ASAP1: variants seen among roughly 807,000 people sequenced by gnomAD.
The protein encoded by ASAP1 is arf-GAP with SH3 domain, ANK repeat and PH domain-containing protein 1.
ASAP1 carries 43 observed loss-of-function variants against 145.2 expected under a neutral mutation model. The observed-to-expected ratio is 0.30, with a 90% CI of 0.23 to 0.38. ASAP1 has a LOEUF of 0.38. Ranked by LOEUF, ASAP1 falls within the 10% of genes least tolerant of loss-of-function variation. The pLI is 1.00. For synonymous variants in ASAP1, 546 were observed against 515.5 expected (o/e 1.06, Z -0.80); for missense variants, 1,018 against 1,355.3 (o/e 0.75, Z 3.91).
Position 130,265,080 on chromosome 8 carries a change from T to A in ASAP1, c.187-28086A>T, listed in dbSNP as rs1417009. Among the ~76,000 whole-genome samples the A allele has an allele frequency of 1.1e-3, 173 of 152,270 alleles. 2 individuals carry two copies. In the South Asian group the frequency reaches 0.036, roughly 31 times the overall value. On this transcript the variant is annotated intron_variant, in intron 3 of 29. Transcript: ENST00000518721. ...AACTGAGCCAAGGATGTGGCCCTTT[T>A]CTCATGGCAACAAAGGGCTGCTGGC...
intron 24 of ASAP1, among the ~76,000 whole-genome samples, chr8:130,107,410 C>T (rs1170810542): frequency 6.6e-6 from 1 of 151,654 alleles, no homozygotes. Context: ...TGGTCTCGAT[C>T]TCCTGACCTC....
At position 130,124,043 on chromosome 8, in the gene ASAP1, G is replaced by T. The variant is rs778660196; in HGVS notation, c.1577C>A (p.Pro526His). The change falls in exon 18 of 30, where the codon CCC (proline) becomes CAC (histidine). Residue 526 changes from proline to histidine, a missense_variant. Physicochemically the swap from Pro to His is moderately conservative, Grantham distance 77. This residue lies in a region of ASAP1 where 153 missense variants were observed against 221.6 expected (regional missense o/e 0.69). Transcript: ENST00000518721. ...NDIMEANLPSPSPKPTPSSDM... is the reference protein window; with the variant it reads ...NDIMEANLPSHSPKPTPSSDM... ...ACTTGAAGGGGTGGGTTTTGGTGAG[G>T]GGCTGGGTAAATTTGCTTCCATAAT... 1 of 1,609,240 alleles carries T rather than the reference G, an allele frequency of 6.2e-7. No homozygotes were observed. The highest frequency in any genetic ancestry group is 8.5e-7 in the Non-Finnish European group (1 of 1,178,692).
At chr8:130,337,846 C>G (rs1363548623) in intron 3 of ASAP1, among the ~76,000 whole-genome samples, 1 of 152,208 alleles carries the variant, frequency 6.6e-6, no homozygotes, top group African/African-American at 2.4e-5. Flanking sequence ...CTCCCTTGAT[C>G]CTAAAATCGA....
intron 5 of ASAP1, among the ~76,000 whole-genome samples, chr8:130,197,056 T>G (rs1316422571): frequency 6.6e-6 from 1 of 152,218 alleles, no homozygotes; most frequent in Admixed American, 6.5e-5. Flanking sequence ...CTGCGTGAAC[T>G]GGGAAAACCG....
Position 130,279,862 on chromosome 8 carries a change from A to G in ASAP1, c.187-42868T>C, listed in dbSNP as rs139786299. The stretch of plus-strand genomic sequence containing the variant: ...TAACTAAAGCGACCCTGAGCTATTT[A>G]CAACCTTTTGCCTCTCTTGAACCAA... On this transcript the variant is annotated intron_variant, in intron 3 of 29. Coordinates refer to ENST00000518721, the MANE Select transcript of ASAP1 (RefSeq NM_018482.4). 3.6e-3 allele frequency among the ~76,000 whole-genome samples: 546 copies of G among 152,346 alleles called. 1 individual carries two copies. Among genetic ancestry groups the G allele is most frequent in the African/African-American group, 0.013 (526 of 41,564 alleles).
chr8:130,436,040 A>G (rs912235518), intron 1 of ASAP1, among the ~76,000 whole-genome samples: 4 of 152,216 alleles, frequency 2.6e-5, no homozygotes, highest in African/African-American at 9.6e-5. Flanking sequence ...CAGAAGACAC[A>G]ACAAATGGGA....
chr8:130,116,311 A>T (rs1220359595), intron 22 of ASAP1, among the ~76,000 whole-genome samples: 5 of 152,286 alleles, frequency 3.3e-5, no homozygotes, highest in Admixed American at 2.6e-4. Flanking sequence ...CATTTTGAAG[A>T]CCACTACTCT....
chr8:130,217,205 G>T (rs577687504), intron 4 of ASAP1, among the ~76,000 whole-genome samples: 2 of 152,088 alleles, frequency 1.3e-5, no homozygotes, highest in African/African-American at 4.8e-5. Flanking sequence ...CTGTTGTGGC[G>T]CACAGAGAAG....
intron 27 of ASAP1, among the ~76,000 whole-genome samples, chr8:130,070,127 C>A (rs2135174602): frequency 6.6e-6 from 1 of 152,204 alleles, no homozygotes; most frequent in Non-Finnish European, 1.5e-5. Flanking sequence ...AGCTCCGCCT[C>A]CCGGGTTCAC....
At chr8:130,398,940 A>G (rs1012261047) in intron 2 of ASAP1, among the ~76,000 whole-genome samples, 2 of 152,222 alleles carry the variant, frequency 1.3e-5, no homozygotes, top group African/African-American at 4.8e-5. Flanking sequence ...CTTCTATAAC[A>G]ATAACTCTCA....
intron 1 of ASAP1, among the ~76,000 whole-genome samples, chr8:130,423,187 T>C (rs185267115): frequency 6.6e-6 from 1 of 152,302 alleles, no homozygotes; most frequent in East Asian, 1.9e-4. Flanking sequence ...CACTGCAACC[T>C]CCAGCTCCCA....
At chr8:130,287,300 T>C (rs547820066) in intron 3 of ASAP1, among the ~76,000 whole-genome samples, 1 of 152,056 alleles carries the variant, frequency 6.6e-6, no homozygotes, top group Non-Finnish European at 1.5e-5. Context: ...TGGGGGATAA[T>C]AAAAGATAAG....
At chr8:130,398,903 G>T (rs79992204) in intron 2 of ASAP1, among the ~76,000 whole-genome samples, 5,525 of 152,326 alleles carry the variant, frequency 0.036, 132 homozygotes, top group Non-Finnish European at 0.055. Context: ...TGGAGGAAAA[G>T]ATTTGTCCTC....
intron 3 of ASAP1, among the ~76,000 whole-genome samples, chr8:130,342,539 A>G (rs1379893342): frequency 6.6e-6 from 1 of 152,138 alleles, no homozygotes; most frequent in Non-Finnish European, 1.5e-5. Context: ...CAGAGGCCCA[A>G]TATACCCAGA....
chr8:130,136,732 T>C (rs1282006391), intron 14 of ASAP1, among the ~76,000 whole-genome samples: 2 of 152,204 alleles, frequency 1.3e-5, no homozygotes, highest in African/African-American at 4.8e-5. Flanking sequence ...TCTATTCTAT[T>C]GCTGGTCAGA....
chr8:130,306,536 A>T (rs1326227306), intron 3 of ASAP1, among the ~76,000 whole-genome samples: 1 of 152,210 alleles, frequency 6.6e-6, no homozygotes, highest in Non-Finnish European at 1.5e-5. Flanking sequence ...AATTGGTCAA[A>T]GGTCTAAGTA....
chr8:130,216,367 C>G (rs1238572054), intron 4 of ASAP1, among the ~76,000 whole-genome samples: 1 of 152,154 alleles, frequency 6.6e-6, no homozygotes, highest in East Asian at 1.9e-4. Context: ...TTTTGTTTTC[C>G]AATCCATAAA....
At chr8:130,128,234 A>C (rs1225223439) in intron 15 of ASAP1, 144 bp from the exon 16 acceptor site, 1 of 534,726 alleles carries the variant, frequency 1.9e-6, no homozygotes, top group East Asian at 3.4e-5. Flanking sequence ...CCAAAATAGC[A>C]ATAAAGTGAG....
intron 12 of ASAP1, among the ~76,000 whole-genome samples, chr8:130,155,232 T>A (rs145423303): frequency 5.1e-4 from 78 of 152,304 alleles, no homozygotes; most frequent in Non-Finnish European, 8.8e-4. Flanking sequence ...CTTCTGCTGC[T>A]AATAAAGCCA....
Sources: allele counts gnomAD v4.1 joint callset (sites outside exome capture counted in the v4.1 genomes callset), GRCh38; gene constraint gnomAD v4.1.1; regional missense constraint gnomAD v4.1.1; transcripts MANE v1.5; gene names NCBI Gene and HGNC (gene_info 2026-07-23, HGNC 2026-07-21).